The following ZFAT variants were observed in gnomAD, a reference collection of about 807,000 sequenced individuals.
The protein encoded by ZFAT is zinc finger protein ZFAT.
In ZFAT, 64 loss-of-function variants were observed where a neutral mutation model predicts 117.7. The ratio of observed to expected loss-of-function variants is 0.54; its 90% CI spans 0.44 to 0.67. The LOEUF is 0.67. ZFAT is among the 30% of genes least tolerant of loss of function. ZFAT has a pLI of 0.00. For missense variants in ZFAT, 1,433 were observed against 1,584.5 expected, an observed-to-expected ratio of 0.90 and a Z score of 1.62; for synonymous variants, 679 against 615.0, an observed-to-expected ratio of 1.10 and a Z score of -1.54.
Position 134,710,060 on chromosome 8 carries a change from C to T in ZFAT, c.19+2785G>A, listed in dbSNP as rs570698207. ...TATGATCTTTTCTCATTTGGTACAG[C>T]TGGAAATTGAAGGAAACTTCAACAT... On this transcript the variant is annotated intron_variant, in intron 1 of 15. Transcript: ENST00000377838. Among the ~76,000 whole-genome samples, 7 of 152,302 alleles carry T rather than the reference C, an allele frequency of 4.6e-5. No individual in the cohort carries two copies. The South Asian group carries it at 1.5e-3, about 32-fold the overall frequency.
intron 1 of ZFAT, among the ~76,000 whole-genome samples, chr8:134,697,576 A>C (rs1378991677): frequency 6.6e-6 from 1 of 150,778 alleles, no homozygotes; most frequent in Non-Finnish European, 1.5e-5. Flanking sequence ...AAATACAAAA[A>C]ATTAGCCGGG....
rs530731867 is a variant in ZFAT at position 134,505,634 on chromosome 8, G to T, written c.3492+3985C>A. On this transcript the variant is annotated intron_variant, in intron 15 of 15. Transcript: ENST00000377838. ...CCTGGAAACAGAGGTCAGAGTGAGTGGATGTCAGACCTTAGCCTGCCGTTG... is the reference window on the plus strand; with the variant it reads ...CCTGGAAACAGAGGTCAGAGTGAGTTGATGTCAGACCTTAGCCTGCCGTTG... Among the ~76,000 whole-genome samples, 31 of 152,242 alleles carry T rather than the reference G, an allele frequency of 2.0e-4. No individual in the cohort carries two copies. The South Asian group carries it at 6.2e-3, about 31-fold the overall frequency.
intron 3 of ZFAT, among the ~76,000 whole-genome samples, chr8:134,634,808 G>C (rs751204424): frequency 5.9e-5 from 9 of 152,176 alleles, no homozygotes; most frequent in Non-Finnish European, 1.0e-4. Context: ...GCTGTGATGG[G>C]GAGACACTAA....
At chr8:134,515,687 T>C (rs1820204998) in intron 13 of ZFAT, among the ~76,000 whole-genome samples, 1 of 152,204 alleles carries the variant, frequency 6.6e-6, no homozygotes, top group African/African-American at 2.4e-5. Flanking sequence ...TTTAAGTTCC[T>C]TGTAGATTCT....
chr8:134,732,471 C>T, the ZFAT span, among the ~76,000 whole-genome samples: 2 of 152,194 alleles, frequency 1.3e-5, no homozygotes, highest in Admixed American at 6.5e-5. Flanking sequence ...CTATCAGGAG[C>T]CACTTGCCCC....
intron 13 of ZFAT, among the ~76,000 whole-genome samples, chr8:134,514,757 T>C (rs1406805716): frequency 6.6e-6 from 1 of 152,254 alleles, no homozygotes; most frequent in Non-Finnish European, 1.5e-5. Context: ...ACGGGTCTAA[T>C]AAACCTCCAT....
At chr8:134,650,782 G>C (rs886873910) in intron 2 of ZFAT, among the ~76,000 whole-genome samples, 4 of 152,138 alleles carry the variant, frequency 2.6e-5, no homozygotes, top group Non-Finnish European at 4.4e-5. Flanking sequence ...TTTTTGACAA[G>C]GGTGCCAAAA....
chr8:134,817,316 T>C, the ZFAT span, among the ~76,000 whole-genome samples: 1 of 151,246 alleles, frequency 6.6e-6, no homozygotes, highest in African/African-American at 2.4e-5. Flanking sequence ...TGCCTGCCAA[T>C]TCTATGAATT....
At chr8:134,794,217 T>C in the ZFAT span, 6 of 152,180 alleles carry the variant, frequency 3.9e-5, no homozygotes, top group Non-Finnish European at 8.8e-5. Context: ...TTTAATAGGG[T>C]TAGCTAATAT....
the ZFAT span, among the ~76,000 whole-genome samples, chr8:134,812,734 T>C: frequency 6.6e-6 from 1 of 152,192 alleles, no homozygotes; most frequent in Admixed American, 6.5e-5. Context: ...AGACTCTGTC[T>C]CAATCAATCA....
the ZFAT span, among the ~76,000 whole-genome samples, chr8:134,802,127 G>A: frequency 1.3e-5 from 2 of 152,164 alleles, no homozygotes; most frequent in Admixed American, 6.5e-5. Flanking sequence ...CAAATTACTA[G>A]GAAGTTTGTA....
chr8:134,644,748 TCA>T (rs564994352), intron 2 of ZFAT, among the ~76,000 whole-genome samples: 2 of 151,308 alleles, frequency 1.3e-5, no homozygotes, highest in Admixed American at 6.6e-5. Flanking sequence ...ATATTCACAA[TCA>T]CACACACATG....
the ZFAT span, among the ~76,000 whole-genome samples, chr8:134,739,653 T>C: frequency 1.3e-5 from 2 of 152,146 alleles, no homozygotes; most frequent in African/African-American, 4.8e-5. Context: ...GAGCTCCCAG[T>C]CTAGGTCCTA....
chr8:134,808,316 G>A, the ZFAT span, among the ~76,000 whole-genome samples: 1 of 152,212 alleles, frequency 6.6e-6, no homozygotes, highest in Non-Finnish European at 1.5e-5. Flanking sequence ...GTTGAGACTA[G>A]GAGACCAGAG....
At chr8:134,626,564 A>C (rs1242357789) in intron 3 of ZFAT, among the ~76,000 whole-genome samples, 1 of 152,254 alleles carries the variant, frequency 6.6e-6, no homozygotes, top group Non-Finnish European at 1.5e-5. Flanking sequence ...CAGCTGGGGC[A>C]GGTGAGCTTC....
intron 3 of ZFAT, 95 bp from the exon 4 acceptor site, chr8:134,610,750 A>G (rs1828272437): frequency 6.9e-7 from 1 of 1,449,658 alleles, no homozygotes; most frequent in South Asian, 1.3e-5. Flanking sequence ...AGTAAAGGAA[A>G]CACAGCTCTT....
intron 1 of ZFAT, among the ~76,000 whole-genome samples, chr8:134,695,789 A>G (rs1230545727): frequency 7.1e-6 from 1 of 141,120 alleles, no homozygotes; most frequent in Non-Finnish European, 1.5e-5. Flanking sequence ...CATCTCTAAC[A>G]AAGGCAGCAC....
intron 3 of ZFAT, among the ~76,000 whole-genome samples, chr8:134,620,787 C>T (rs1227008496): frequency 2.0e-5 from 3 of 152,142 alleles, no homozygotes. Flanking sequence ...AGTCCCTGGG[C>T]CTAGGCAGGG....
chr8:134,689,502 G>A (rs1833493543), intron 1 of ZFAT, among the ~76,000 whole-genome samples: 1 of 152,216 alleles, frequency 6.6e-6, no homozygotes, highest in Non-Finnish European at 1.5e-5. Context: ...CCTTAGAAAT[G>A]CTGACTCTAC....
Sources: allele counts gnomAD v4.1 joint callset (sites outside exome capture counted in the v4.1 genomes callset), GRCh38; gene constraint gnomAD v4.1.1; transcripts MANE v1.5; gene names NCBI Gene and HGNC (gene_info 2026-07-23, HGNC 2026-07-21).